VPS13B: variants seen among roughly 807,000 people sequenced by gnomAD.
The protein encoded by VPS13B is intermembrane lipid transfer protein VPS13B.
VPS13B carries 285 observed loss-of-function variants against 426.4 expected under a neutral mutation model. The ratio of observed to expected loss-of-function variants is 0.67; its 90% CI spans 0.61 to 0.74. The LOEUF (loss-of-function observed/expected upper bound fraction) is 0.74. VPS13B is among the 30% of genes least tolerant of loss of function. The pLI is 0.00. For synonymous variants in VPS13B, 1,676 were observed against 1,676.4 expected (o/e 1.00, Z 0.01); for missense variants, 4,537 against 4,782.6 (o/e 0.95, Z 1.51).
chr8:99,546,625 A>G (rs1377087280), intron 30 of VPS13B, among the ~76,000 whole-genome samples: 1 of 152,068 alleles, frequency 6.6e-6, no homozygotes, highest in Admixed American at 6.6e-5. Flanking sequence ...ATTAAACTGT[A>G]ATCAAATGTA....
At chr8:99,767,664 C>T (rs1022362639) in intron 40 of VPS13B, among the ~76,000 whole-genome samples, 2 of 152,128 alleles carry the variant, frequency 1.3e-5, no homozygotes, top group African/African-American at 2.4e-5. Context: ...CACAGTGGCT[C>T]GCAGTTGTAA....
chr8:99,111,410 A>T (rs1847360308), intron 6 of VPS13B, 131 bp downstream of exon 6: 1 of 674,546 alleles, frequency 1.5e-6, no homozygotes, highest in Admixed American at 3.6e-5. Flanking sequence ...TTTTTATAAA[A>T]ATTTTATTTA....
intron 19 of VPS13B, among the ~76,000 whole-genome samples, chr8:99,360,568 C>T (rs539456033): frequency 1.3e-5 from 2 of 152,206 alleles, no homozygotes; most frequent in East Asian, 3.9e-4. Flanking sequence ...TGAGCCACCC[C>T]ACCCGGCCAT....
chr8:99,343,656 C>G (rs537675903), intron 19 of VPS13B, among the ~76,000 whole-genome samples: 2 of 152,174 alleles, frequency 1.3e-5, no homozygotes, highest in African/African-American at 4.8e-5. Context: ...AACAAACTAT[C>G]CGAAAAGGAA....
Position 99,121,408 on chromosome 8 carries a change from T to C in VPS13B, c.1169T>C (p.Ile390Thr). The C allele has an allele frequency of 6.2e-7, 1 of 1,614,226 alleles. No homozygotes were observed. The highest frequency in any genetic ancestry group is 1.7e-4 in the Middle Eastern group (1 of 6,060). ...AQTLKDPIVSIGFYCTKATVT... is the reference protein window; with the variant it reads ...AQTLKDPIVSTGFYCTKATVT... ...ACTTTGAAGGATCCTATTGTTTCTA[T>C]AGGATTTTATTGCACAAAGGCAACG... Residue 390 changes from isoleucine (I) to threonine (T), a missense_variant, in exon 8 of 62, where the codon ATA becomes ACA. This residue lies in a region of VPS13B where 4,311 missense variants were observed against 4,474.3 expected (regional missense o/e 0.96). Coordinates refer to ENST00000357162, the MANE Select transcript of VPS13B (RefSeq NM_152564.5).
At chr8:99,379,061 C>G (rs1014850372) in intron 19 of VPS13B, among the ~76,000 whole-genome samples, 1 of 152,182 alleles carries the variant, frequency 6.6e-6, no homozygotes, top group African/African-American at 2.4e-5. Context: ...TCATTGGCAG[C>G]ATTAGATTCT....
chr8:99,193,003 G>A lies in VPS13B; in HGVS notation c.2461G>A (p.Val821Ile), dbSNP rs1813689440. Residue 821 changes from valine (V) to isoleucine (I), a missense_variant, in exon 17 of 62, where the codon GTC becomes ATC. This residue lies in a region of VPS13B where 4,311 missense variants were observed against 4,474.3 expected (regional missense o/e 0.96). Coordinates refer to ENST00000357162, the MANE Select transcript of VPS13B (RefSeq NM_152564.5). ...IYQSWSHLGN[V>I]SSSAVIEALI... Reference sequence around the variant, plus strand: ...TCAAAGTTGGTCTCATCTTGGAAATGTCAGCTCTTCCGCAGTGATTGAAGC... The same window carrying A: ...TCAAAGTTGGTCTCATCTTGGAAATATCAGCTCTTCCGCAGTGATTGAAGC... 6.2e-7 allele frequency: 1 copy of A among 1,613,732 alleles called. No homozygotes were observed. The highest frequency in any genetic ancestry group is 1.3e-5 in the African/African-American group (1 of 75,030).
chr8:99,826,484 T>C (rs1383610252), intron 51 of VPS13B, among the ~76,000 whole-genome samples: 1 of 152,116 alleles, frequency 6.6e-6, no homozygotes, highest in East Asian at 1.9e-4. Flanking sequence ...GTTGATGGGG[T>C]TTTCTAAATA....
chr8:99,665,263 T>C (rs1466470204), intron 35 of VPS13B, among the ~76,000 whole-genome samples: 2 of 152,316 alleles, frequency 1.3e-5, no homozygotes, highest in East Asian at 3.9e-4. Context: ...TCCCATTCTG[T>C]AGGTTGCCTG....
At chr8:99,139,980 A>G (rs1810313065) in intron 12 of VPS13B, among the ~76,000 whole-genome samples, 1 of 152,138 alleles carries the variant, frequency 6.6e-6, no homozygotes, top group Non-Finnish European at 1.5e-5. Context: ...TATTGAGCCA[A>G]TATTTTTACA....
intron 3 of VPS13B, among the ~76,000 whole-genome samples, chr8:99,057,308 A>AG (rs1455564762): frequency 6.6e-6 from 1 of 152,082 alleles, no homozygotes; most frequent in East Asian, 1.9e-4. Context: ...AGAGCTCATT[A>AG]GTAACATCAA....
intron 19 of VPS13B, among the ~76,000 whole-genome samples, chr8:99,365,586 G>A (rs1443187354): frequency 3.6e-5 from 5 of 139,724 alleles, no homozygotes; most frequent in African/African-American, 8.1e-5. Flanking sequence ...GCACGATCTC[G>A]GCTCACTGCA....
chr8:99,686,354 T>A (rs182485611), intron 35 of VPS13B, among the ~76,000 whole-genome samples: 73 of 150,900 alleles, frequency 4.8e-4, no homozygotes, highest in Admixed American at 8.5e-4. Flanking sequence ...AGGCTCATGA[T>A]AACCCCTGCC....
At chr8:99,427,525 T>A (rs1361083687) in intron 21 of VPS13B, among the ~76,000 whole-genome samples, 2 of 151,784 alleles carry the variant, frequency 1.3e-5, no homozygotes, top group African/African-American at 4.8e-5. Context: ...CTGAATGCAC[T>A]CCCATTCACA....
chr8:99,082,225 T>A (rs1031244732), intron 3 of VPS13B, among the ~76,000 whole-genome samples: 1 of 152,252 alleles, frequency 6.6e-6, no homozygotes, highest in Admixed American at 6.5e-5. Flanking sequence ...ATGATGAGTA[T>A]GTTTTCATGT....
intron 23 of VPS13B, among the ~76,000 whole-genome samples, chr8:99,459,268 C>T (rs1818705275): frequency 6.6e-6 from 1 of 152,134 alleles, no homozygotes; most frequent in African/African-American, 2.4e-5. Flanking sequence ...TTCATTTCTT[C>T]TATCACCTTA....
intron 52 of VPS13B, among the ~76,000 whole-genome samples, chr8:99,833,635 A>C (rs1009366377): frequency 2.6e-5 from 4 of 152,158 alleles, no homozygotes. Context: ...TTCTGGTTGG[A>C]GATGTTAAGC....
chr8:99,143,711 G>A (rs977730565), intron 13 of VPS13B, among the ~76,000 whole-genome samples: 5 of 152,190 alleles, frequency 3.3e-5, no homozygotes, highest in African/African-American at 9.7e-5. Flanking sequence ...ACCCTGTGGA[G>A]TCAGACTGTG....
At chr8:99,315,609 T>G (rs1404404406) in intron 19 of VPS13B, among the ~76,000 whole-genome samples, 1 of 151,962 alleles carries the variant, frequency 6.6e-6, no homozygotes, top group Non-Finnish European at 1.5e-5. Flanking sequence ...TAATCAATAT[T>G]CTGAATTATT....
Sources: allele counts gnomAD v4.1 joint callset (sites outside exome capture counted in the v4.1 genomes callset), GRCh38; gene constraint gnomAD v4.1.1; regional missense constraint gnomAD v4.1.1; transcripts MANE v1.5; gene names NCBI Gene and HGNC (gene_info 2026-07-23, HGNC 2026-07-21).